The following CSMD1 variants were observed in gnomAD, a reference collection of about 807,000 sequenced individuals.
CSMD1 encodes the protein CUB and Sushi multiple domains 1.
A neutral mutation model predicts 417.5 loss-of-function variants in CSMD1; 213 were observed. That is an observed-to-expected ratio of 0.51 (90% CI 0.46 to 0.57). The LOEUF (loss-of-function observed/expected upper bound fraction) is 0.57, where lower values mean the gene tolerates loss of function less well. CSMD1 is among the 20% of genes least tolerant of loss of function. CSMD1 has a pLI of 0.00. For synonymous variants in CSMD1, 2,862 were observed against 1,736.8 expected (o/e 1.65, Z -16.11); for missense variants, 6,923 against 4,529.7 (o/e 1.53, Z -15.17).
At chr8:4,038,821 C>G (rs1797745396) in intron 3 of CSMD1, among the ~76,000 whole-genome samples, 1 of 152,156 alleles carries the variant, frequency 6.6e-6, no homozygotes, top group African/African-American at 2.4e-5. Flanking sequence ...CAGGTTTCCA[C>G]TGGACCCCAT....
chr8:3,051,769 G>A (rs960652227), intron 50 of CSMD1, among the ~76,000 whole-genome samples: 3 of 152,150 alleles, frequency 2.0e-5, no homozygotes, highest in African/African-American at 4.8e-5. Flanking sequence ...TTTGAGTCTA[G>A]TTTTAATATA....
chr8:4,612,705 G>C (rs1585330364), intron 2 of CSMD1, among the ~76,000 whole-genome samples: 2 of 152,294 alleles, frequency 1.3e-5, no homozygotes, highest in African/African-American at 4.8e-5. Context: ...GCCACTCTCA[G>C]GGTATGGAGG....
At chr8:4,160,411 A>C (rs1797084063) in intron 3 of CSMD1, among the ~76,000 whole-genome samples, 1 of 152,194 alleles carries the variant, frequency 6.6e-6, no homozygotes, top group Non-Finnish European at 1.5e-5. Context: ...ACGCAACTTT[A>C]AATTCAATGA....
intron 49 of CSMD1, among the ~76,000 whole-genome samples, chr8:3,059,428 A>C (rs1283663408): frequency 6.6e-6 from 1 of 152,122 alleles, no homozygotes; most frequent in Non-Finnish European, 1.5e-5. Context: ...CTCTCAGTTA[A>C]CAGTTTTCGA....
chr8:3,478,899 C>T (rs1433333929), intron 11 of CSMD1, among the ~76,000 whole-genome samples: 3 of 152,176 alleles, frequency 2.0e-5, no homozygotes, highest in Non-Finnish European at 4.4e-5. Context: ...AGGTGTGAGA[C>T]TGAGTCTCTT....
intron 7 of CSMD1, among the ~76,000 whole-genome samples, chr8:3,629,489 C>G (rs1024783992): frequency 1.3e-5 from 2 of 152,148 alleles, no homozygotes; most frequent in Non-Finnish European, 2.9e-5. Context: ...ACACAATACA[C>G]CTAGCATTGC....
chr8:3,389,602 C>G (rs943537877), intron 17 of CSMD1, among the ~76,000 whole-genome samples: 3 of 151,384 alleles, frequency 2.0e-5, no homozygotes, highest in Non-Finnish European at 2.9e-5. Context: ...GTAATAGGAA[C>G]GATTATCTTA....
intron 3 of CSMD1, among the ~76,000 whole-genome samples, chr8:4,042,709 T>G (rs1341197806): frequency 1.3e-5 from 2 of 150,058 alleles, no homozygotes; most frequent in Non-Finnish European, 2.9e-5. Flanking sequence ...TTCTAACATA[T>G]GTAGAAGTGA....
intron 13 of CSMD1, 63 bp from the exon 14 acceptor site, chr8:3,408,288 A>G (rs2116906901): frequency 7.6e-7 from 1 of 1,315,572 alleles, no homozygotes; most frequent in Non-Finnish European, 1.0e-6. Context: ...GCCATGTGAA[A>G]CAGACAGCTA....
At chr8:4,172,597 T>C (rs1166825461) in intron 3 of CSMD1, among the ~76,000 whole-genome samples, 3 of 152,166 alleles carry the variant, frequency 2.0e-5, no homozygotes, top group Non-Finnish European at 4.4e-5. Flanking sequence ...AAGGAACATC[T>C]AACTAAGCTC....
intron 2 of CSMD1, among the ~76,000 whole-genome samples, chr8:4,442,408 C>T (rs1798538452): frequency 6.6e-6 from 1 of 152,156 alleles, no homozygotes; most frequent in Non-Finnish European, 1.5e-5. Flanking sequence ...TTTCCAGTCC[C>T]CACTGTATAT....
chr8:3,009,693 G>A (rs533203447), intron 52 of CSMD1, among the ~76,000 whole-genome samples: 44 of 152,194 alleles, frequency 2.9e-4, no homozygotes, highest in South Asian at 1.5e-3. Flanking sequence ...AATGCTGACC[G>A]ACTTAGCCCA....
intron 3 of CSMD1, among the ~76,000 whole-genome samples, chr8:4,167,912 G>T (rs566150396): frequency 1.3e-5 from 2 of 151,984 alleles, no homozygotes. Flanking sequence ...CGGACTGCCT[G>T]AGGTCAGGAG....
At chr8:3,636,666 T>C (rs1046596714) in intron 7 of CSMD1, among the ~76,000 whole-genome samples, 1 of 152,330 alleles carries the variant, frequency 6.6e-6, no homozygotes, top group South Asian at 2.1e-4. Context: ...CTCTTCTCCC[T>C]AGTCTTGATC....
intron 20 of CSMD1, among the ~76,000 whole-genome samples, chr8:3,360,569 T>A (rs769015208): frequency 6.6e-6 from 1 of 152,186 alleles, no homozygotes; most frequent in African/African-American, 2.4e-5. Context: ...GAAAATATGC[T>A]TAGGTATTGG....
Position 4,372,761 on chromosome 8 carries a change from G to C in CSMD1, c.415+47192C>G, listed in dbSNP as rs574084029. Among the ~76,000 whole-genome samples the C allele has an allele frequency of 2.0e-5, 3 of 151,188 alleles. No homozygotes were observed. In the East Asian group the frequency reaches 5.8e-4, roughly 29 times the overall value. On this transcript the variant is annotated intron_variant, in intron 3 of 69. Coordinates refer to ENST00000635120, the MANE Select transcript of CSMD1 (RefSeq NM_033225.6). ...GGAGGCAAAAGAAAAAAAAAAAGTA[G>C]CATTGGATAACCCAAAGTGTACAAT...
chr8:4,543,693 AAAAAAAAC>A, intron 2 of CSMD1, among the ~76,000 whole-genome samples: 1 of 148,920 alleles, frequency 6.7e-6, no homozygotes, highest in African/African-American at 2.4e-5. Context: ...AAAAAAAAAA[AAAAAAAAC>A]CCACACCAAA....
chr8:3,805,610 T>C (rs535625335), intron 5 of CSMD1, among the ~76,000 whole-genome samples: 8 of 152,182 alleles, frequency 5.3e-5, no homozygotes, highest in South Asian at 2.1e-4. Context: ...CTAAGAGTTA[T>C]ACCTGTAGAA....
chr8:3,828,979 T>G (rs1802214068), intron 5 of CSMD1, among the ~76,000 whole-genome samples: 1 of 152,172 alleles, frequency 6.6e-6, no homozygotes, highest in South Asian at 2.1e-4. Flanking sequence ...TTCCTTAGGG[T>G]TTTTACCCCA....
Sources: gnomAD v4.1 joint callset for allele counts (sites outside exome capture counted in the v4.1 genomes callset) on GRCh38, gnomAD v4.1.1 for gene constraint, MANE v1.5 for transcripts, NCBI Gene and HGNC (gene_info 2026-07-23, HGNC 2026-07-21) for gene names.